Variants in CNTNAP4 observed in about 807,000 individuals in gnomAD.
CNTNAP4 encodes contactin-associated protein-like 4.
Under a neutral mutation model 148.4 loss-of-function variants are expected in CNTNAP4, and 98 were observed. The ratio of observed to expected loss-of-function variants is 0.66; its 90% CI spans 0.56 to 0.78. The LOEUF (loss-of-function observed/expected upper bound fraction) is 0.78. Among genes scored for constraint, CNTNAP4 ranks in the 30% least tolerant of loss-of-function variants. The pLI, the probability that CNTNAP4 is intolerant of heterozygous loss-of-function variation, is 0.00. For missense variants in CNTNAP4, 1,935 were observed against 1,565.6 expected (o/e 1.24, Z -3.98); for synonymous variants, 730 against 565.1 (o/e 1.29, Z -4.14).
At chr16:76,438,488 A>T (rs4887861) in intron 4 of CNTNAP4, among the ~76,000 whole-genome samples, 2 of 151,854 alleles carry the variant, frequency 1.3e-5, no homozygotes, top group African/African-American at 4.8e-5. Context: ...GAAATCCCAC[A>T]AGAGTATTGC....
intron 3 of CNTNAP4, among the ~76,000 whole-genome samples, chr16:76,360,494 G>A (rs990997847): frequency 4.6e-5 from 7 of 152,088 alleles, no homozygotes; most frequent in African/African-American, 1.7e-4. Context: ...TCCTTATGTT[G>A]AGCCCTTATT....
chr16:76,499,219 CTT>C (rs1443205413), intron 15 of CNTNAP4, among the ~76,000 whole-genome samples: 4 of 151,802 alleles, frequency 2.6e-5, no homozygotes, highest in African/African-American at 9.7e-5. Flanking sequence ...TAAAAAAACT[CTT>C]TAACTATCTG....
intron 3 of CNTNAP4, among the ~76,000 whole-genome samples, chr16:76,396,360 C>G (rs2078205673): frequency 6.6e-6 from 1 of 152,134 alleles, no homozygotes; most frequent in African/African-American, 2.4e-5. Flanking sequence ...GCCATACTAC[C>G]CGGTGCAAGG....
chr16:76,347,064 A>G (rs1964962112), intron 2 of CNTNAP4, among the ~76,000 whole-genome samples: 1 of 152,146 alleles, frequency 6.6e-6, no homozygotes, highest in African/African-American at 2.4e-5. Context: ...CAAAAATTCC[A>G]AAACAAAGCA....
In CNTNAP4 at chr16:76,277,848, A is replaced by G. The variant is rs1958537767; in HGVS notation, c.85+101A>G. The G allele has an allele frequency of 6.5e-6, 5 of 771,846 alleles. No homozygotes were observed. In the South Asian group the frequency reaches 7.8e-5, roughly 12 times the overall value. The allele number at this position is 771,846 out of a possible 1,614,324, so 47.8% of individuals were successfully genotyped here. ...ATTATTTGCAGCTGGGATTGCTGCA[A>G]AGCGTATTGCTGTAAACCAAGCATC... On this transcript the variant is annotated intron_variant, in intron 1 of 23. Transcript: ENST00000611870.
chr16:76,479,619 T>A, intron 12 of CNTNAP4, 81 bp downstream of exon 12: 13 of 1,444,900 alleles, frequency 9.0e-6, no homozygotes, highest in Non-Finnish European at 1.2e-5. Context: ...ATAAGCAGAA[T>A]GTTGACGTAA....
chr16:76,346,651 G>A (rs1964926386), intron 2 of CNTNAP4, among the ~76,000 whole-genome samples: 1 of 152,120 alleles, frequency 6.6e-6, no homozygotes, highest in Non-Finnish European at 1.5e-5. Flanking sequence ...CAGACGTTAT[G>A]TGCTAAAAAT....
intron 1 of CNTNAP4, among the ~76,000 whole-genome samples, chr16:76,298,486 A>ATGTGTGTGTG (rs3975398): frequency 1.2e-4 from 16 of 129,474 alleles, no homozygotes; most frequent in African/African-American, 2.4e-4. Context: ...GTGTACATGT[A>ATGTGTGTGTG]TGTGTGTGTG....
At chr16:76,373,879 G>A (rs2015124598) in intron 3 of CNTNAP4, among the ~76,000 whole-genome samples, 1 of 130,852 alleles carries the variant, frequency 7.6e-6, no homozygotes, top group Non-Finnish European at 1.6e-5. Flanking sequence ...TGGGTGACAA[G>A]AGTGAAACTC....
At chr16:76,293,452 C>T (rs1333031020) in intron 1 of CNTNAP4, among the ~76,000 whole-genome samples, 1 of 152,090 alleles carries the variant, frequency 6.6e-6, no homozygotes, top group Admixed American at 6.6e-5. Flanking sequence ...TTTGATATAA[C>T]AATATTTATG....
At chr16:76,307,611 G>A (rs946798574) in intron 1 of CNTNAP4, among the ~76,000 whole-genome samples, 4 of 147,380 alleles carry the variant, frequency 2.7e-5, no homozygotes, top group Non-Finnish European at 5.9e-5. Flanking sequence ...TAGGTGACAT[G>A]GCGTCACATA....
chr16:76,508,345 C>T lies in CNTNAP4; in HGVS notation c.2365+9651C>T, dbSNP rs184434597. ...TAAAAATCACATAGTAGAAGAATGT[C>T]TAGTTCCATCTAAGCCATTTCTCAT... is the stretch of plus-strand genomic sequence containing the variant. On this transcript the variant is annotated intron_variant, in intron 15 of 23. Coordinates refer to ENST00000611870, the MANE Select transcript of CNTNAP4 (RefSeq NM_033401.5). 3.5e-4 allele frequency among the ~76,000 whole-genome samples: 34 copies of T among 97,220 alleles called. 3 individuals are homozygous for T. Among genetic ancestry groups the T allele is most frequent in the African/African-American group, 8.7e-4 (34 of 39,002 alleles). The allele number at this position is 97,220 out of a possible 152,430, so 63.8% of individuals were successfully genotyped here. A position where few individuals can be genotyped will look rare whatever the true frequency, so the allele number is the denominator to read the frequency against.
At chr16:76,406,200 AATTATT>A (rs1464987037) in intron 3 of CNTNAP4, among the ~76,000 whole-genome samples, 1 of 152,122 alleles carries the variant, frequency 6.6e-6, no homozygotes, top group African/African-American at 2.4e-5. Flanking sequence ...CAAGCTTTTA[AATTATT>A]ATTATATGTT....
intron 8 of CNTNAP4, among the ~76,000 whole-genome samples, chr16:76,458,857 G>A (rs764697345): frequency 2.6e-5 from 4 of 152,112 alleles, no homozygotes; most frequent in African/African-American, 4.8e-5. Context: ...TTGCTGGGTC[G>A]AATAGTAATT....
intron 3 of CNTNAP4, among the ~76,000 whole-genome samples, chr16:76,397,517 G>A (rs140433874): frequency 2.6e-5 from 4 of 151,902 alleles, no homozygotes; most frequent in Non-Finnish European, 2.9e-5. Flanking sequence ...CATCAGATAC[G>A]CAGTGGGTGG....
At chr16:76,477,710 C>T (rs1430516116) in intron 11 of CNTNAP4, among the ~76,000 whole-genome samples, 1 of 152,052 alleles carries the variant, frequency 6.6e-6, no homozygotes, top group Non-Finnish European at 1.5e-5. Flanking sequence ...GTTATTTGAC[C>T]CAGGACACCC....
chr16:76,357,081 A>G (rs77750696), intron 3 of CNTNAP4, among the ~76,000 whole-genome samples: 1 of 150,828 alleles, frequency 6.6e-6, no homozygotes, highest in East Asian at 1.9e-4. Flanking sequence ...ACACACACAC[A>G]CCCCAAACTC....
At chr16:76,520,971 A>T (rs917435489) in intron 15 of CNTNAP4, among the ~76,000 whole-genome samples, 169 bp from the exon 16 acceptor site, 1 of 152,146 alleles carries the variant, frequency 6.6e-6, no homozygotes, top group African/African-American at 2.4e-5. Context: ...CTTATGATAT[A>T]CTCATATCTT....
chr16:76,541,204 T>C (rs1337622603), intron 21 of CNTNAP4, among the ~76,000 whole-genome samples: 1 of 152,256 alleles, frequency 6.6e-6, no homozygotes, highest in Non-Finnish European at 1.5e-5. Context: ...CTTTTTCTTC[T>C]AGTTAGTTAA....
Sources: allele counts gnomAD v4.1 joint callset (sites outside exome capture counted in the v4.1 genomes callset), GRCh38; gene constraint gnomAD v4.1.1; transcripts MANE v1.5; gene names NCBI Gene and HGNC (gene_info 2026-07-23, HGNC 2026-07-21).